FHAD1: variants seen among roughly 807,000 people sequenced by gnomAD.
The protein encoded by FHAD1 is forkhead associated phosphopeptide binding domain 1.
Under a neutral mutation model 191.3 loss-of-function variants are expected in FHAD1, and 146 were observed. The ratio of observed to expected loss-of-function variants is 0.76; its 90% CI spans 0.67 to 0.88. The LOEUF (loss-of-function observed/expected upper bound fraction) is 0.88, where lower values mean the gene tolerates loss of function less well. FHAD1 is among the 40% of genes least tolerant of loss of function. FHAD1 has a pLI of 0.00. For missense variants in FHAD1, 1,635 were observed against 1,785.8 expected (o/e 0.92, Z 1.52); for synonymous variants, 616 against 672.3 (o/e 0.92, Z 1.29).
chr1:15,287,784 G>A lies in FHAD1; in HGVS notation c.301-1615G>A, dbSNP rs1663020711. 3.9e-5 allele frequency among the ~76,000 whole-genome samples: 6 copies of A among 152,184 alleles called. No individual in the cohort carries two copies. In the South Asian group the frequency reaches 1.0e-3, roughly 26 times the overall value. On this transcript the variant is annotated intron_variant, in intron 3 of 33. Coordinates refer to ENST00000688493, the MANE Select transcript of FHAD1 (RefSeq NM_001391957.1). The stretch of plus-strand genomic sequence containing the variant: ...GAATGCATAGGATCCCTGAGCAGCT[G>A]TAGACAGACTGCAGCTTGGAGATTA...
At chr1:15,386,815 C>T (rs956890336) in intron 31 of FHAD1, among the ~76,000 whole-genome samples, 11 of 152,020 alleles carry the variant, frequency 7.2e-5, no homozygotes, top group Admixed American at 2.6e-4. Flanking sequence ...CTCAATCGTG[C>T]TCTTTTCTCT....
chr1:15,267,913 A>G (rs984880689), intron 2 of FHAD1, among the ~76,000 whole-genome samples: 1 of 144,792 alleles, frequency 6.9e-6, no homozygotes, highest in Non-Finnish European at 1.5e-5. Context: ...TGGTATATAT[A>G]AAATATGTTT....
rs57163623 is a variant in FHAD1, at chr1:15,385,129, C to CT, written c.4189-2907dup. Among the ~76,000 whole-genome samples the CT allele has an allele frequency of 5.5e-3, 787 of 143,200 alleles. 5 individuals carry two copies. The highest frequency in any genetic ancestry group is 0.021 in the Middle Eastern group (6 of 284). The allele number at this position is 143,200 out of a possible 152,430, so 93.9% of individuals were successfully genotyped here. ...TTGTCAAGGGAAAAAGGGGGAAAAT[C>CT]TTTTTTTTTTTTTTTGCTTGCTGTT... is the stretch of plus-strand genomic sequence containing the variant. On this transcript the variant is annotated intron_variant, in intron 31 of 33. Coordinates refer to ENST00000688493, the MANE Select transcript of FHAD1 (RefSeq NM_001391957.1).
intron 26 of FHAD1, 111 bp downstream of exon 26, chr1:15,369,613 G>A: frequency 7.8e-7 from 1 of 1,279,164 alleles, no homozygotes; most frequent in East Asian, 2.5e-5. Flanking sequence ...AGTATGGCTT[G>A]CTGGTGTGAA....
chr1:15,308,454 C>G (rs1480316323), intron 6 of FHAD1, among the ~76,000 whole-genome samples, 159 bp from the exon 7 acceptor site: 1 of 152,156 alleles, frequency 6.6e-6, no homozygotes, highest in Non-Finnish European at 1.5e-5. Context: ...GGAACAGGCC[C>G]TCCCCTGTCC....
intron 32 of FHAD1, among the ~76,000 whole-genome samples, chr1:15,389,774 AAAT>A (rs1245696170): frequency 1.3e-5 from 2 of 152,218 alleles, no homozygotes; most frequent in Admixed American, 6.5e-5. Flanking sequence ...TAAAGGAAAA[AAAT>A]AAAACAAGAT....
chr1:15,373,902 A>G (rs1335450602), intron 26 of FHAD1, among the ~76,000 whole-genome samples: 1 of 151,982 alleles, frequency 6.6e-6, no homozygotes, highest in Admixed American at 6.6e-5. Flanking sequence ...AAAAAACCCA[A>G]CTCTAACCTG....
In FHAD1 at chr1:15,283,573, G is replaced by T. The variant is rs141858616; in HGVS notation, c.301-5826G>T. Among the ~76,000 whole-genome samples, 85 of 152,308 alleles carry T rather than the reference G, an allele frequency of 5.6e-4. No homozygotes were observed. The East Asian group carries it at 0.016, about 29-fold the overall frequency. On this transcript the variant is annotated intron_variant, in intron 3 of 33. Transcript: ENST00000688493. ...ATATATAATTTATTTTTTAATGGCT[G>T]TGTTTATCAGCCAGCTCACAGAATT...
chr1:15,304,577 C>CT (rs1363040700), intron 6 of FHAD1, among the ~76,000 whole-genome samples: 1 of 152,032 alleles, frequency 6.6e-6, no homozygotes, highest in African/African-American at 2.4e-5. Flanking sequence ...AGAGCTGTAA[C>CT]TTTTTTAAAA....
chr1:15,375,574 C>G (rs1327131265), intron 27 of FHAD1, 29 bp from the exon 28 acceptor site: 1 of 1,499,132 alleles, frequency 6.7e-7, no homozygotes, highest in Non-Finnish European at 8.9e-7. Context: ...CTGAGCCTTT[C>G]TTTTGAGTCT....
chr1:15,341,881 A>G lies in FHAD1; in HGVS notation c.2123A>G (p.Glu708Gly), dbSNP rs1285790738. The change falls in exon 16 of 34, where the codon GAG (glutamate) becomes GGG (glycine). Residue 708 changes from glutamate to glycine, a missense_variant. By Grantham distance (98) the Glu-to-Gly change is moderately conservative. Transcript: ENST00000688493. ...LKAKIRQLTE[E>G]KAALEEYITQ... ...GCCAAAATCAGGCAACTGACGGAAG[A>G]GAAGGCGGTAAGGTGGTCCCTGCCA... The G allele has an allele frequency of 6.4e-7, 1 of 1,551,380 alleles. No homozygotes were observed. The highest frequency in any genetic ancestry group is 1.4e-5 in the African/African-American group (1 of 73,046).
At position 15,328,431 on chromosome 1, in the gene FHAD1, T is replaced by C. The variant is rs1438722310; in HGVS notation, c.1710+2T>C. The C allele has an allele frequency of 1.3e-6, 2 of 1,506,666 alleles. No homozygotes were observed. Among genetic ancestry groups the C allele is most frequent in the Admixed American group, 2.4e-5 (1 of 41,960 alleles). The allele number at this position is 1,506,666 out of a possible 1,614,324, so 93.3% of individuals were successfully genotyped here. A position where few individuals can be genotyped will look rare whatever the true frequency, so the allele number is the denominator to read the frequency against. ...AGGACGTCGCTGGACAGCTGCCAGG[T>C]GGCCCCTCCTTACGCTTTCCACAAA... is the stretch of plus-strand genomic sequence containing the variant. On this transcript the variant is annotated splice_donor_variant, in intron 13 of 33. Transcript: ENST00000688493. LOFTEE classifies it high-confidence loss of function.
chr1:15,365,524 T>C (rs567403204), intron 23 of FHAD1, among the ~76,000 whole-genome samples: 3 of 137,832 alleles, frequency 2.2e-5, no homozygotes, highest in East Asian at 2.1e-4. Flanking sequence ...TTCTGACTTA[T>C]GTAGCCCAGG....
At chr1:15,372,193 G>A (rs1698290339) in intron 26 of FHAD1, among the ~76,000 whole-genome samples, 1 of 149,906 alleles carries the variant, frequency 6.7e-6, no homozygotes, top group Non-Finnish European at 1.5e-5. Context: ...ACCTGGAGCA[G>A]AGCCAGAAGG....
chr1:15,402,364 T>C (rs894972178), downstream of FHAD1, among the ~76,000 whole-genome samples: 5 of 152,232 alleles, frequency 3.3e-5, no homozygotes. Context: ...CTTTAAGTTT[T>C]AGGGTACATG....
At chr1:15,340,515 C>T (rs1391178095) in intron 15 of FHAD1, among the ~76,000 whole-genome samples, 2 of 152,052 alleles carry the variant, frequency 1.3e-5, no homozygotes, top group African/African-American at 2.4e-5. Flanking sequence ...ATGGAGACTA[C>T]GAGGTATAAA....
chr1:15,315,779 C>T (rs755942710), intron 8 of FHAD1, among the ~76,000 whole-genome samples: 3 of 152,138 alleles, frequency 2.0e-5, no homozygotes, highest in Non-Finnish European at 4.4e-5. Context: ...AGCCACCGCG[C>T]CCAGCCGGGT....
chr1:15,251,119 C>T (rs3753325), intron 1 of FHAD1, among the ~76,000 whole-genome samples: 18,404 of 151,238 alleles, frequency 0.12, 2,558 homozygotes, highest in African/African-American at 0.33. Context: ...GGCAATACCC[C>T]GTCTCTTTAG....
chr1:15,348,650 T>C (rs1276128248), intron 18 of FHAD1, among the ~76,000 whole-genome samples: 1 of 152,192 alleles, frequency 6.6e-6, no homozygotes, highest in Non-Finnish European at 1.5e-5. Flanking sequence ...AATGAGACTC[T>C]TCTTTTGATC....
Sources: gnomAD v4.1 joint callset for allele counts (sites outside exome capture counted in the v4.1 genomes callset) on GRCh38, gnomAD v4.1.1 for gene constraint, MANE v1.5 for transcripts, NCBI Gene and HGNC (gene_info 2026-07-23, HGNC 2026-07-21) for gene names.